WASF1: variants seen among roughly 807,000 people sequenced by gnomAD.
WASF1 encodes WASP family member 1.
Under a neutral mutation model 50.5 loss-of-function variants are expected in WASF1, and 7 were observed. The observed-to-expected ratio is 0.14, with a 90% confidence interval of 0.08 to 0.26. The LOEUF (loss-of-function observed/expected upper bound fraction) is 0.26. Among genes scored for constraint, WASF1 ranks in the 10% least tolerant of loss-of-function variants. The pLI is 1.00. For synonymous variants in WASF1, 205 were observed against 244.0 expected (o/e 0.84, Z 1.49); for missense variants, 470 against 694.7 (o/e 0.68, Z 3.64).
intron 3 of WASF1, among the ~76,000 whole-genome samples, chr6:110,148,779 C>G (rs1274636629): frequency 6.6e-6 from 1 of 152,114 alleles, no homozygotes; most frequent in Non-Finnish European, 1.5e-5. Context: ...GTAGACCAGA[C>G]AGAAGATGAA....
At chr6:110,118,059 T>C (rs1773891127) in intron 4 of WASF1, among the ~76,000 whole-genome samples, 1 of 152,016 alleles carries the variant, frequency 6.6e-6, no homozygotes, top group Admixed American at 6.6e-5. Flanking sequence ...CTGCAAAACA[T>C]GCCAAATGGT....
chr6:110,120,005 A>G (rs1007049280), intron 4 of WASF1, among the ~76,000 whole-genome samples: 4 of 152,204 alleles, frequency 2.6e-5, no homozygotes, highest in African/African-American at 9.7e-5. Flanking sequence ...TCATGCTAAA[A>G]ACTCTCAATA....
chr6:110,103,580 G>A (rs765645017), intron 8 of WASF1, 23 bp from the exon 9 acceptor site: 1 of 1,560,658 alleles, frequency 6.4e-7, no homozygotes, highest in Non-Finnish European at 8.7e-7. Context: ...TATAGTATCA[G>A]TGAATTATTC....
intron 3 of WASF1, among the ~76,000 whole-genome samples, chr6:110,147,150 A>C (rs1255724122): frequency 6.6e-6 from 1 of 152,092 alleles, no homozygotes. Flanking sequence ...GATCGAGACC[A>C]TCCTGGCTAA....
At chr6:110,176,104 T>C (rs1776917529) in intron 2 of WASF1, among the ~76,000 whole-genome samples, 1 of 151,990 alleles carries the variant, frequency 6.6e-6, no homozygotes, top group Non-Finnish European at 1.5e-5. Flanking sequence ...TGTAGTAAGT[T>C]AGAACTACCA....
chr6:110,140,202 C>T (rs1775162604), intron 3 of WASF1, among the ~76,000 whole-genome samples: 2 of 152,128 alleles, frequency 1.3e-5, no homozygotes, highest in Non-Finnish European at 2.9e-5. Flanking sequence ...AATGAAGCCT[C>T]CCTAAACACT....
chr6:110,159,310 C>CA (rs1776164640), intron 3 of WASF1, among the ~76,000 whole-genome samples: 1 of 151,718 alleles, frequency 6.6e-6, no homozygotes, highest in Non-Finnish European at 1.5e-5. Flanking sequence ...AAAACGAAAA[C>CA]AAAAAACAGT....
chr6:110,178,752 G>C lies in WASF1; in HGVS notation c.-271-10C>G, dbSNP rs1165393606. 6.5e-6 allele frequency: 1 copy of C among 152,774 alleles called. No homozygotes were observed. Among genetic ancestry groups the C allele is most frequent in the Non-Finnish European group, 1.5e-5 (1 of 68,154 alleles). 9.5% of individuals were successfully genotyped at this position (152,774 alleles called of 1,614,324 possible). A position where few individuals can be genotyped will look rare whatever the true frequency, so the allele number is the denominator to read the frequency against. ...GAAGCTAGGGGGCATGCTGTAGCAAGGGGAAAAGAAAAATGGGAAAGGTGC... is the reference window on the plus strand; with the variant it reads ...GAAGCTAGGGGGCATGCTGTAGCAACGGGAAAAGAAAAATGGGAAAGGTGC... On this transcript the variant is annotated splice_polypyrimidine_tract_variant and intron_variant, in intron 1 of 10. Transcript: ENST00000392589.
intron 5 of WASF1, among the ~76,000 whole-genome samples, chr6:110,112,216 GATCT>G (rs749142775): frequency 3.0e-4 from 46 of 151,564 alleles, no homozygotes; most frequent in Middle Eastern, 3.4e-3. Flanking sequence ...CTAAAAATTA[GATCT>G]ATCATATAAT....
At chr6:110,131,628 C>A (rs146828920) in intron 3 of WASF1, among the ~76,000 whole-genome samples, 246 of 152,228 alleles carry the variant, frequency 1.6e-3, no homozygotes, top group Middle Eastern at 0.014. Flanking sequence ...CTGCCTCAGC[C>A]TCCGGAGCAG....
intron 3 of WASF1, among the ~76,000 whole-genome samples, chr6:110,128,746 G>A (rs1035830965): frequency 6.6e-6 from 1 of 152,134 alleles, no homozygotes; most frequent in Non-Finnish European, 1.5e-5. Flanking sequence ...GACCAGTAAC[G>A]GTCAGTGGCC....
chr6:110,163,188 T>C (rs1368314581), intron 2 of WASF1, among the ~76,000 whole-genome samples: 1 of 151,654 alleles, frequency 6.6e-6, no homozygotes, highest in Non-Finnish European at 1.5e-5. Context: ...AAAATCTATA[T>C]GAGAAAAACT....
chr6:110,177,000 A>C (rs777334137), intron 2 of WASF1: 1 of 152,102 alleles, frequency 6.6e-6, no homozygotes, highest in Non-Finnish European at 1.5e-5. Context: ...TGTGATAATG[A>C]AAATCCAACA....
At chr6:110,145,367 A>G (rs534110811) in intron 3 of WASF1, among the ~76,000 whole-genome samples, 30 of 152,270 alleles carry the variant, frequency 2.0e-4, no homozygotes, top group East Asian at 1.5e-3. Flanking sequence ...GGGCTGAGAC[A>G]ATGGGGTTTT....
chr6:110,116,169 T>C (rs1052369250), intron 4 of WASF1, among the ~76,000 whole-genome samples: 2 of 152,102 alleles, frequency 1.3e-5, no homozygotes, highest in South Asian at 2.1e-4. Context: ...GTTCATCTCA[T>C]TAGGACTGGT....
At chr6:110,110,971 A>T (rs551802444) in intron 5 of WASF1, among the ~76,000 whole-genome samples, 51 of 152,298 alleles carry the variant, frequency 3.3e-4, no homozygotes, top group Non-Finnish European at 6.3e-4. Context: ...TTTAAAGGAA[A>T]CTAGGTATAA....
chr6:110,133,301 C>T (rs1205374437), intron 3 of WASF1, among the ~76,000 whole-genome samples: 2 of 152,010 alleles, frequency 1.3e-5, no homozygotes, highest in African/African-American at 4.8e-5. Context: ...CTGCTATAAA[C>T]ATGCAAGTGC....
chr6:110,172,222 A>G (rs1051242477), intron 2 of WASF1, among the ~76,000 whole-genome samples: 22 of 152,226 alleles, frequency 1.4e-4, no homozygotes, highest in Admixed American at 5.9e-4. Flanking sequence ...TACTATAAAG[A>G]CAAATGCACA....
At chr6:110,118,704 T>C (rs1188107700) in intron 4 of WASF1, among the ~76,000 whole-genome samples, 1 of 152,152 alleles carries the variant, frequency 6.6e-6, no homozygotes, top group Non-Finnish European at 1.5e-5. Flanking sequence ...CTAATAGACA[T>C]CTACAGAACT....
Sources: allele counts gnomAD v4.1 joint callset (sites outside exome capture counted in the v4.1 genomes callset), GRCh38; gene constraint gnomAD v4.1.1; transcripts MANE v1.5; gene names NCBI Gene and HGNC (gene_info 2026-07-23, HGNC 2026-07-21).